ITGB3: variants seen among roughly 807,000 people sequenced by gnomAD.
ITGB3 encodes integrin subunit beta 3, also known as integrin beta-3.
A neutral mutation model predicts 85.8 loss-of-function variants in ITGB3; 48 were observed. That is an observed-to-expected ratio of 0.56 (90% CI 0.44 to 0.71). ITGB3 has a LOEUF of 0.71. Among genes scored for constraint, ITGB3 ranks in the 30% least tolerant of loss-of-function variants. The pLI is 0.00. For missense variants in ITGB3, 861 were observed against 1,019.1 expected, an observed-to-expected ratio of 0.84 and a Z score of 2.11; for synonymous variants, 363 against 395.6, an observed-to-expected ratio of 0.92 and a Z score of 0.98.
At chr17:47,294,617 C>G (rs1259616089) in intron 10 of ITGB3, among the ~76,000 whole-genome samples, 1 of 152,192 alleles carries the variant, frequency 6.6e-6, no homozygotes, top group Non-Finnish European at 1.5e-5. Context: ...GTGTCAGGTG[C>G]CCACCCAGCC....
chr17:47,284,259 G>A lies in ITGB3; in HGVS notation c.362-184G>A, dbSNP rs751095042. On this transcript the variant is annotated intron_variant, in intron 3 of 14. Transcript: ENST00000559488. ...TGGAAAATTTTAGAATGGAAAAGAA[G>A]AGGTTAAAAATAGGAGGGTCAAGAG... Among the ~76,000 whole-genome samples the A allele has an allele frequency of 1.7e-3, 259 of 152,254 alleles. 3 individuals carry two copies. Among genetic ancestry groups the A allele is most frequent in the Non-Finnish European group, 1.5e-3 (100 of 68,002 alleles).
At chr17:47,255,168 G>C (rs2064984431) in intron 1 of ITGB3, among the ~76,000 whole-genome samples, 2 of 151,474 alleles carry the variant, frequency 1.3e-5, no homozygotes, top group South Asian at 2.1e-4. Flanking sequence ...TAGTAGAGAC[G>C]CGGTTTCACC....
At chr17:47,307,246 G>A (rs1002549757) in intron 13 of ITGB3, among the ~76,000 whole-genome samples, 2 of 152,158 alleles carry the variant, frequency 1.3e-5, no homozygotes, top group Admixed American at 6.5e-5. Flanking sequence ...CAAAGGTGTG[G>A]CTGGGTTCTG....
chr17:47,290,928 GTCT>G (rs2065122820), intron 8 of ITGB3, 23 bp from the exon 9 acceptor site: 8 of 1,613,802 alleles, frequency 5.0e-6, no homozygotes, highest in African/African-American at 1.3e-5. Flanking sequence ...TCAATTTCTT[GTCT>G]TCTTGTGCCC....
Position 47,299,116 on chromosome 17 carries a change from T to C in ITGB3, c.1691-192T>C, listed in dbSNP as rs1225326535. 1.3e-5 allele frequency among the ~76,000 whole-genome samples: 2 copies of C among 152,210 alleles called. No homozygotes were observed. Among genetic ancestry groups the C allele is most frequent in the Admixed American group, 6.5e-5 (1 of 15,276 alleles). On this transcript the variant is annotated intron_variant, in intron 10 of 14. Coordinates refer to ENST00000559488, the MANE Select transcript of ITGB3 (RefSeq NM_000212.3). The surrounding 1 kb of genome is among the most constrained non-coding windows in gnomAD (Gnocchi z 5.1). ...CAGTGGCTCCGAGCAAGTCCTGCCA[T>C]ACCTTGGGACCCCTAGAAAACTGAG...
chr17:47,308,770 A>G (rs1231435161), intron 14 of ITGB3, among the ~76,000 whole-genome samples: 3 of 152,186 alleles, frequency 2.0e-5, no homozygotes, highest in Non-Finnish European at 4.4e-5. Context: ...AAGTGCTAGG[A>G]TTCCAGGCGT....
At chr17:47,275,839 G>A (rs2065061669) in intron 2 of ITGB3, among the ~76,000 whole-genome samples, 1 of 152,192 alleles carries the variant, frequency 6.6e-6, no homozygotes, top group Non-Finnish European at 1.5e-5. Flanking sequence ...ATTCCCTGGG[G>A]CTAGGGAAGG....
chr17:47,292,706 T>C (rs1456236980), intron 10 of ITGB3, 138 bp downstream of exon 10: 4 of 820,054 alleles, frequency 4.9e-6, no homozygotes, highest in African/African-American at 1.7e-5. Context: ...TCTTTTTGAG[T>C]ATAAGGACCA....
chr17:47,263,226 T>C (rs1167044636), intron 1 of ITGB3, among the ~76,000 whole-genome samples: 4 of 152,186 alleles, frequency 2.6e-5, no homozygotes, highest in Non-Finnish European at 5.9e-5. Context: ...TGGGTGTTAA[T>C]TTTAGACCAC....
At chr17:47,260,807 T>C (rs371272428) in intron 1 of ITGB3, among the ~76,000 whole-genome samples, 1 of 149,910 alleles carries the variant, frequency 6.7e-6, no homozygotes, top group Non-Finnish European at 1.5e-5. Context: ...TTTTTTTTTT[T>C]CCATTCTCTT....
chr17:47,283,579 C>T, intron 3 of ITGB3, 30 bp downstream of exon 3: 4 of 1,609,064 alleles, frequency 2.5e-6, no homozygotes, highest in African/African-American at 1.3e-5. Flanking sequence ...CGGGGAGAGA[C>T]CTGAAGCAGG....
chr17:47,266,800 G>A (rs536283482), intron 1 of ITGB3, among the ~76,000 whole-genome samples: 14 of 152,036 alleles, frequency 9.2e-5, no homozygotes, highest in East Asian at 3.9e-4. Flanking sequence ...CAGACTAGTC[G>A]CCAACTACTG....
At chr17:47,290,583 AAAAG>A (rs2065121377) in intron 8 of ITGB3, among the ~76,000 whole-genome samples, 1 of 152,292 alleles carries the variant, frequency 6.6e-6, no homozygotes, top group Non-Finnish European at 1.5e-5. Flanking sequence ...AATAACAGGG[AAAAG>A]AGAGAGCTGA....
intron 4 of ITGB3, among the ~76,000 whole-genome samples, 153 bp downstream of exon 4, chr17:47,284,848 G>T (rs1246293195): frequency 6.6e-6 from 1 of 152,154 alleles, no homozygotes. Context: ...TGGCAAATGG[G>T]CTAGCTTGTG....
chr17:47,289,577 A>T, intron 6 of ITGB3, 104 bp from the exon 7 acceptor site: 1 of 815,106 alleles, frequency 1.2e-6, no homozygotes, highest in South Asian at 1.4e-5. Flanking sequence ...TGGTTTAAGC[A>T]CCACCACACT....
At chr17:47,267,277 G>A (rs1234070671) in intron 1 of ITGB3, among the ~76,000 whole-genome samples, 1 of 152,168 alleles carries the variant, frequency 6.6e-6, no homozygotes. Context: ...GGTGGTAGGA[G>A]GTAGGAGTTG....
chr17:47,300,349 GT>G, intron 11 of ITGB3, 128 bp from the exon 12 acceptor site: 1 of 727,426 alleles, frequency 1.4e-6, no homozygotes, highest in Non-Finnish European at 2.5e-6. Flanking sequence ...GCGCGCGCGT[GT>G]GTGTGTGTGT....
At chr17:47,290,571 C>T (rs1184011730) in intron 8 of ITGB3, among the ~76,000 whole-genome samples, 1 of 151,998 alleles carries the variant, frequency 6.6e-6, no homozygotes, top group Non-Finnish European at 1.5e-5. Flanking sequence ...AAACTGGGCT[C>T]CAATAACAGG....
chr17:47,273,440 G>A (rs1303809083), intron 1 of ITGB3, among the ~76,000 whole-genome samples: 6 of 152,224 alleles, frequency 3.9e-5, no homozygotes, highest in Non-Finnish European at 8.8e-5. Context: ...GGAATGCTGA[G>A]CTAGGCAATT....
Sources: gnomAD v4.1 joint callset for allele counts (sites outside exome capture counted in the v4.1 genomes callset) on GRCh38, gnomAD v4.1.1 for gene constraint, Gnocchi (gnomAD v3.1) non-coding constraint, MANE v1.5 for transcripts, NCBI Gene and HGNC (gene_info 2026-07-23, HGNC 2026-07-21) for gene names.